The following ZRANB3 variants were observed in gnomAD, a reference collection of about 807,000 sequenced individuals.
The protein encoded by ZRANB3 is zinc finger RANBP2-type containing 3, also known as DNA annealing helicase and endonuclease ZRANB3.
In ZRANB3, 125 loss-of-function variants were observed where a neutral mutation model predicts 133.8. The ratio of observed to expected loss-of-function variants is 0.93; its 90% confidence interval spans 0.81 to 1.08. The LOEUF is 1.08. Among genes scored for constraint, ZRANB3 ranks in the 50% least tolerant of loss-of-function variants. ZRANB3 has a pLI of 0.00. For synonymous variants in ZRANB3, 387 were observed against 432.7 expected, an observed-to-expected ratio of 0.89 and a Z score of 1.31; for missense variants, 1,229 against 1,275.5, an observed-to-expected ratio of 0.96 and a Z score of 0.56.
chr2:135,386,268 T>G (rs1306218699), intron 3 of ZRANB3, among the ~76,000 whole-genome samples: 1 of 152,118 alleles, frequency 6.6e-6, no homozygotes, highest in Non-Finnish European at 1.5e-5. Flanking sequence ...TCATCAGAGA[T>G]ATGCAAATCA....
chr2:135,463,836 A>T (rs1690872090), intron 2 of ZRANB3, among the ~76,000 whole-genome samples: 1 of 152,236 alleles, frequency 6.6e-6, no homozygotes, highest in African/African-American at 2.4e-5. Context: ...TAGTCACAAA[A>T]ATTGACTTAT....
intron 3 of ZRANB3, among the ~76,000 whole-genome samples, chr2:135,377,068 T>C (rs1202978654): frequency 6.6e-6 from 1 of 152,154 alleles, no homozygotes; most frequent in African/African-American, 2.4e-5. Context: ...GAGGTACAGG[T>C]TAACAACTGT....
Position 135,353,587 on chromosome 2 carries a change from G to A in ZRANB3, c.222C>T (p.Tyr74=). The A allele has an allele frequency of 6.3e-7, 1 of 1,598,116 alleles. No individual in the cohort carries two copies. The highest frequency in any genetic ancestry group is 8.5e-7 in the Non-Finnish European group (1 of 1,171,276). The part of the protein sequence containing the change: ...GKTIQAIGIT[Y]FYKEEWPLLI... ...ACAGAGGCCATTCCTCTTTATAGAA[G>A]TAAGTAATTCCAATTGCCTGGATTG... is the stretch of plus-strand genomic sequence containing the variant. The change falls in exon 4 of 21, where the codon TAC becomes TAT. Residue 74 remains tyrosine (Y), a synonymous_variant. Transcript: ENST00000264159.
At chr2:135,356,944 A>G (rs1309164976) in intron 3 of ZRANB3, among the ~76,000 whole-genome samples, 1 of 152,146 alleles carries the variant, frequency 6.6e-6, no homozygotes, top group African/African-American at 2.4e-5. Flanking sequence ...TTAGCCTTCC[A>G]AAGTGCTGGG....
In ZRANB3 at chr2:135,243,618, A is replaced by T. The variant is rs542628445; in HGVS notation, c.1540-12691T>A. Among the ~76,000 whole-genome samples the T allele has an allele frequency of 2.2e-5, 3 of 134,024 alleles. No individual in the cohort carries two copies. The South Asian group carries it at 7.2e-4, about 32-fold the overall frequency. The allele number at this position is 134,024 out of a possible 152,430, so 87.9% of individuals were successfully genotyped here. A position where few individuals can be genotyped will look rare whatever the true frequency, so the allele number is the denominator to read the frequency against. On this transcript the variant is annotated intron_variant, in intron 12 of 20. Coordinates refer to ENST00000264159, the MANE Select transcript of ZRANB3 (RefSeq NM_032143.4). ...ACCACCTCTCTTCCTGTACTTAAAA[A>T]AACTTTTTTTTTCTTTCTGAAGCAG...
At position 135,522,324 on chromosome 2, in the gene ZRANB3, G is replaced by A. The variant is rs79114000; in HGVS notation, c.-8+8803C>T. Among the ~76,000 whole-genome samples the A allele has an allele frequency of 5.3e-5, 8 of 152,248 alleles. No individual in the cohort carries two copies. In the East Asian group the frequency reaches 1.5e-3, roughly 29 times the overall value. ...TTGTAAACCAATAAATTGGGTGGAG[G>A]CCAACAGCTTGAGGCTACGAGCAAG... is the stretch of plus-strand genomic sequence containing the variant. On this transcript the variant is annotated intron_variant, in intron 1 of 20. Coordinates refer to ENST00000264159, the MANE Select transcript of ZRANB3 (RefSeq NM_032143.4).
chr2:135,295,946 T>A (rs1393936227), intron 8 of ZRANB3, among the ~76,000 whole-genome samples: 1 of 152,246 alleles, frequency 6.6e-6, no homozygotes, highest in Non-Finnish European at 1.5e-5. Context: ...CTGAAAGATC[T>A]GCTGTTAGTC....
At chr2:135,449,492 C>A (rs1404856916) in intron 2 of ZRANB3, among the ~76,000 whole-genome samples, 2 of 152,016 alleles carry the variant, frequency 1.3e-5, no homozygotes, top group African/African-American at 4.8e-5. Context: ...TGGTGGTGGG[C>A]ACCTGTAATC....
chr2:135,313,895 G>A (rs1013424269), intron 7 of ZRANB3, among the ~76,000 whole-genome samples: 4 of 152,060 alleles, frequency 2.6e-5, no homozygotes, highest in East Asian at 1.9e-4. Flanking sequence ...ACAGAGTCTC[G>A]CTCTTGTTGC....
chr2:135,506,774 A>G (rs72986489), intron 1 of ZRANB3, among the ~76,000 whole-genome samples: 10,313 of 152,238 alleles, frequency 0.068, 715 homozygotes, highest in African/African-American at 0.18. Flanking sequence ...TTCAAAAAAC[A>G]CCTGAAGGAG....
chr2:135,198,808 C>T lies in ZRANB3; in HGVS notation c.*1534G>A, dbSNP rs1425539493. ...TAAAATAACCAACATGACTTGATCT[C>T]ATACAATGAAATAGAAACTGAGGAA... On this transcript the variant is annotated 3_prime_UTR_variant, in exon 21 of 21. Transcript: ENST00000264159. 1 of 152,196 alleles carries T rather than the reference C, an allele frequency of 6.6e-6. No individual in the cohort carries two copies. Among genetic ancestry groups the T allele is most frequent in the East Asian group, 1.9e-4 (1 of 5,204 alleles). 9.4% of individuals were successfully genotyped at this position (152,196 alleles called of 1,614,324 possible). A position where few individuals can be genotyped will look rare whatever the true frequency, so the allele number is the denominator to read the frequency against.
At chr2:135,390,924 GA>G in intron 2 of ZRANB3, 104 bp from the exon 3 acceptor site, 2 of 1,209,576 alleles carry the variant, frequency 1.7e-6, no homozygotes, top group Non-Finnish European at 2.2e-6. Flanking sequence ...GCAGTGGTGC[GA>G]TCTCAGCTCA....
intron 2 of ZRANB3, among the ~76,000 whole-genome samples, chr2:135,485,375 G>A (rs1243409094): frequency 1.3e-5 from 2 of 152,140 alleles, no homozygotes; most frequent in Non-Finnish European, 2.9e-5. Context: ...GCTGAATGTA[G>A]GAAGTAGTCA....
chr2:135,388,208 C>A (rs564069504), intron 3 of ZRANB3, among the ~76,000 whole-genome samples: 1 of 152,270 alleles, frequency 6.6e-6, no homozygotes, highest in African/African-American at 2.4e-5. Context: ...GACTTACTGG[C>A]TATCATGAGA....
Position 135,313,533 on chromosome 2 carries a change from T to C in ZRANB3, c.922A>G (p.Met308Val). Residue 308 changes from methionine to valine, a missense_variant, in exon 8 of 21, where the codon ATG becomes GTG. By Grantham distance (21) the Met-to-Val change is conservative (BLOSUM62 1). Transcript: ENST00000264159. Reference sequence around the variant, plus strand: ...TTAAACATGCGAGTTATCAACCCCATGACTGTCTCCATGGCACCTGAATTT... The same window carrying C: ...TTAAACATGCGAGTTATCAACCCCACGACTGTCTCCATGGCACCTGAATTT... Reference protein sequence around the residue: ...TPNSGAMETVMGLITRMFKQT... With the variant: ...TPNSGAMETVVGLITRMFKQT... The C allele has an allele frequency of 6.2e-7, 1 of 1,613,924 alleles. No homozygotes were observed. Among genetic ancestry groups the C allele is most frequent in the Non-Finnish European group, 8.5e-7 (1 of 1,179,844 alleles).
intron 2 of ZRANB3, among the ~76,000 whole-genome samples, chr2:135,415,688 C>G (rs938819755): frequency 5.9e-5 from 9 of 152,166 alleles, no homozygotes; most frequent in Admixed American, 2.0e-4. Context: ...CCTTGATGAA[C>G]ATTGATGCAA....
At chr2:135,292,391 C>T (rs1360359650) in intron 8 of ZRANB3, among the ~76,000 whole-genome samples, 1 of 152,160 alleles carries the variant, frequency 6.6e-6, no homozygotes, top group Non-Finnish European at 1.5e-5. Flanking sequence ...GCATAAATGT[C>T]TTCTTTTGAG....
chr2:135,200,641 C>A (rs1331956093), intron 20 of ZRANB3, among the ~76,000 whole-genome samples: 1 of 151,930 alleles, frequency 6.6e-6, no homozygotes, highest in Non-Finnish European at 1.5e-5. Flanking sequence ...GTTCATAGGA[C>A]CAACATAGCA....
intron 8 of ZRANB3, among the ~76,000 whole-genome samples, chr2:135,284,988 G>C (rs959167374): frequency 6.6e-6 from 1 of 151,794 alleles, no homozygotes; most frequent in African/African-American, 2.4e-5. Flanking sequence ...TGGGATTACA[G>C]GCATGCAACA....
Sources: allele counts gnomAD v4.1 joint callset (sites outside exome capture counted in the v4.1 genomes callset), GRCh38; gene constraint gnomAD v4.1.1; transcripts MANE v1.5; gene names NCBI Gene and HGNC (gene_info 2026-07-23, HGNC 2026-07-21).